Variants in STRA6 observed in about 807,000 individuals in gnomAD.
STRA6 encodes the protein signaling receptor and transporter of retinol STRA6, also known as receptor for retinol uptake STRA6.
Under a neutral mutation model 83.6 loss-of-function variants are expected in STRA6, and 48 were observed. The ratio of observed to expected loss-of-function variants is 0.57; its 90% CI spans 0.46 to 0.73. STRA6 has a LOEUF of 0.73. Ranked by LOEUF, STRA6 falls within the 30% of genes least tolerant of loss-of-function variation. STRA6 has a pLI of 0.00. For synonymous variants in STRA6, 353 were observed against 362.3 expected (o/e 0.97, Z 0.29); for missense variants, 760 against 838.8 (o/e 0.91, Z 1.16).
chr15:74,181,310 C>T lies in STRA6; in HGVS notation c.1669G>A (p.Ala557Thr), dbSNP rs368883595. The T allele has an allele frequency of 5.3e-5, 86 of 1,611,786 alleles. No homozygotes were observed. The highest frequency in any genetic ancestry group is 8.3e-5 in the Admixed American group (5 of 59,918). ...GTGACCTTACCGGGGTCGAGAGTGG[C>T]GGCTCTCGGTGGCAGCAGGCTGAGG... ...MDLSLLPPRA[A>T]TLDPGYYTYR... The change falls in exon 17 of 19, where the codon GCC (alanine) becomes ACC (threonine). Residue 557 changes from alanine to threonine, a missense_variant. Physicochemically the swap from Ala to Thr is moderately conservative, Grantham distance 58. Transcript: ENST00000395105.
At chr15:74,191,619 G>T in intron 8 of STRA6, 128 bp from the exon 9 acceptor site, 1 of 803,442 alleles carries the variant, frequency 1.2e-6, no homozygotes, top group Non-Finnish European at 2.1e-6. Flanking sequence ...TGGCGGTGGT[G>T]GTGAGTGTGG....
chr15:74,194,065 A>G, intron 7 of STRA6, 143 bp from the exon 8 acceptor site: 1 of 1,368,080 alleles, frequency 7.3e-7, no homozygotes, highest in South Asian at 1.2e-5. Flanking sequence ...ATGGTTCCCA[A>G]CCTGCCACCC....
At chr15:74,204,389 G>T (rs190992183), upstream of STRA6, among the ~76,000 whole-genome samples, 4 of 152,276 alleles carry the variant, frequency 2.6e-5, no homozygotes, top group East Asian at 7.7e-4. Context: ...ATTCATTTGT[G>T]GGCCTGTCCT....
chr15:74,199,412 G>GGC (rs148350436), intron 2 of STRA6, among the ~76,000 whole-genome samples: 24,310 of 152,120 alleles, frequency 0.16, 2,480 homozygotes, highest in Non-Finnish European at 0.23. Context: ...CAGCCACACT[G>GGC]ACTCCAGTGT....
chr15:74,196,790 A>C (rs1401138015), intron 4 of STRA6, among the ~76,000 whole-genome samples: 1 of 152,198 alleles, frequency 6.6e-6, no homozygotes, highest in Non-Finnish European at 1.5e-5. Context: ...GTCTACACCA[A>C]GGAGCCACCC....
Position 74,202,780 on chromosome 15 carries a change from C to A in STRA6, c.-83G>T. 1 of 1,155,080 alleles carries A rather than the reference C, an allele frequency of 8.7e-7. No individual in the cohort carries two copies. Among genetic ancestry groups the A allele is most frequent in the Non-Finnish European group, 1.1e-6 (1 of 939,136 alleles). 71.6% of individuals were successfully genotyped at this position (1,155,080 alleles called of 1,614,324 possible). A position where few individuals can be genotyped will look rare whatever the true frequency, so the allele number is the denominator to read the frequency against. ...GGTAGGCAGCCCACGGCCAGCTCCGCACTGCCTGCCTGGGCCCTCCCAGCT... is the reference window on the plus strand; with the variant it reads ...GGTAGGCAGCCCACGGCCAGCTCCGAACTGCCTGCCTGGGCCCTCCCAGCT... On this transcript the variant is annotated 5_prime_UTR_variant, in exon 1 of 19. Transcript: ENST00000395105.
chr15:74,190,236 G>A (rs1240365829), intron 11 of STRA6, among the ~76,000 whole-genome samples: 2 of 152,158 alleles, frequency 1.3e-5, no homozygotes, highest in Non-Finnish European at 2.9e-5. Flanking sequence ...TGTTGTGAAA[G>A]TAAATGAGCA....
chr15:74,209,161 A>T (rs2074328841), upstream of STRA6: 1 of 1,303,316 alleles, frequency 7.7e-7, no homozygotes, highest in African/African-American at 1.5e-5. Context: ...TCAGGCACAG[A>T]GCAGGGGCTG....
chr15:74,189,155 C>T lies in STRA6; in HGVS notation c.1050G>A (p.Glu350=). Residue 350 remains glutamate (E), a synonymous_variant, in exon 12 of 19, where the codon GAG becomes GAA. Transcript: ENST00000395105. ...FGIVLSEDKQ[E]VVELVKHHLW... ...GATGGTGCTTCACCAGCTCCACCAC[C>T]TCCTGCTTGTCCTCGGAGAGCACGA... The T allele has an allele frequency of 1.2e-6, 2 of 1,614,176 alleles. No homozygotes were observed. Among genetic ancestry groups the T allele is most frequent in the Non-Finnish European group, 1.7e-6 (2 of 1,180,040 alleles).
chr15:74,201,908 A>T (rs766928578), intron 2 of STRA6, among the ~76,000 whole-genome samples: 2 of 152,184 alleles, frequency 1.3e-5, no homozygotes, highest in Non-Finnish European at 2.9e-5. Flanking sequence ...CACGTCACAC[A>T]TCATACCTAA....
chr15:74,191,956 G>A lies in STRA6; in HGVS notation c.721-465C>T, dbSNP rs1370156377. 1.3e-5 allele frequency: 3 copies of A among 234,146 alleles called. No individual in the cohort carries two copies. The East Asian group carries it at 3.1e-4, about 24-fold the overall frequency. 14.5% of individuals were successfully genotyped at this position (234,146 alleles called of 1,614,324 possible). A position where few individuals can be genotyped will look rare whatever the true frequency, so the allele number is the denominator to read the frequency against. On this transcript the variant is annotated intron_variant, in intron 8 of 18. Transcript: ENST00000395105. ...TGCCACTGCGCAAGGGAGATCACAA[G>A]GGTGACCAGATTTGTCTAAGCCACA...
At chr15:74,205,763 G>A (rs1432338668), upstream of STRA6, among the ~76,000 whole-genome samples, 1 of 152,246 alleles carries the variant, frequency 6.6e-6, no homozygotes, top group East Asian at 1.9e-4. Flanking sequence ...CCCACGGAGA[G>A]CCCAGTGCCA....
At chr15:74,202,842 C>T, upstream of STRA6, 2 of 1,060,330 alleles carry the variant, frequency 1.9e-6, no homozygotes, top group Non-Finnish European at 2.3e-6. Context: ...CTCAGCCTGC[C>T]CCTTTCTGGC....
intron 8 of STRA6, among the ~76,000 whole-genome samples, chr15:74,193,348 C>T (rs1168930006): frequency 6.6e-6 from 1 of 152,184 alleles, no homozygotes; most frequent in African/African-American, 2.4e-5. Flanking sequence ...CTCTAGGAAG[C>T]CCTCTCAGCC....
intron 7 of STRA6, chr15:74,194,593 C>T: frequency 2.0e-6 from 1 of 506,358 alleles, no homozygotes; most frequent in South Asian, 9.5e-5. Flanking sequence ...TACCACCTGG[C>T]ATCATTTTGT....
At chr15:74,191,684 TC>T (rs2073549810) in intron 8 of STRA6, 193 bp from the exon 9 acceptor site, 1 of 636,686 alleles carries the variant, frequency 1.6e-6, no homozygotes, top group South Asian at 1.8e-5. Context: ...CCCTTTTCTC[TC>T]TCACAAATAC....
upstream of STRA6, chr15:74,209,098 C>A: frequency 7.7e-7 from 1 of 1,304,630 alleles, no homozygotes; most frequent in East Asian, 3.3e-5. Flanking sequence ...CCTCACAGAC[C>A]TCCCGCCCTT....
In STRA6 at chr15:74,180,211, C is replaced by T. The variant is rs767031345; in HGVS notation, c.1873G>A (p.Ala625Thr). ...MQLLQTKDSM[A>T]KGARPGASRG... Reference sequence around the variant, plus strand: ...CTGGCCCCGGGCCTAGCTCCCTTGGCCATGGAGTCCTTTGTCTGTAGCAGC... The same window carrying T: ...CTGGCCCCGGGCCTAGCTCCCTTGGTCATGGAGTCCTTTGTCTGTAGCAGC... The change falls in exon 19 of 19, where the codon GCC becomes ACC. Residue 625 changes from alanine to threonine, a missense_variant. Transcript: ENST00000395105. The T allele has an allele frequency of 5.0e-6, 8 of 1,614,004 alleles. No individual in the cohort carries two copies. Among genetic ancestry groups the T allele is most frequent in the South Asian group, 2.2e-5 (2 of 91,088 alleles).
chr15:74,195,268 C>T (rs1377613409), intron 7 of STRA6, 34 bp downstream of exon 7: 2 of 1,608,086 alleles, frequency 1.2e-6, no homozygotes, highest in African/African-American at 2.7e-5. Context: ...CTCTGTGCGC[C>T]CCTCTGCCCT....
Sources: allele counts gnomAD v4.1 joint callset (sites outside exome capture counted in the v4.1 genomes callset), GRCh38; gene constraint gnomAD v4.1.1; transcripts MANE v1.5; gene names NCBI Gene and HGNC (gene_info 2026-07-23, HGNC 2026-07-21).